KIR2DL3: variants seen among roughly 807,000 people sequenced by gnomAD.
The protein encoded by KIR2DL3 is killer cell immunoglobulin like receptor, two Ig domains and long cytoplasmic tail 3, also known as killer cell immunoglobulin-like receptor 2DL3.
KIR2DL3 carries 39 observed loss-of-function variants against 33.8 expected under a neutral mutation model. The ratio of observed to expected loss-of-function variants is 1.15; its 90% CI spans 0.89 to 1.51. The LOEUF (loss-of-function observed/expected upper bound fraction) is 1.51. Among genes scored for constraint, KIR2DL3 ranks in the 40% most tolerant of loss-of-function variants. The pLI is 0.00. For synonymous variants in KIR2DL3, 174 were observed against 160.2 expected (o/e 1.09, Z -0.65); for missense variants, 462 against 426.2 (o/e 1.08, Z -0.74).
At position 54,752,763 on chromosome 19, in the gene KIR2DL3, C is replaced by T. The variant is rs2073682066; in HGVS notation, c.*244C>T. 4 of 619,366 alleles carry T rather than the reference C, an allele frequency of 6.5e-6. 1 individual carries two copies. Among genetic ancestry groups the T allele is most frequent in the Non-Finnish European group, 1.1e-5 (4 of 368,628 alleles). The allele number at this position is 619,366 out of a possible 1,614,324, so 38.4% of individuals were successfully genotyped here. The stretch of plus-strand genomic sequence containing the variant: ...GCTGGAGAGAAAACACACTCCTTTG[C>T]TTAGCCCACAATTCTCCATTTCACT... On this transcript the variant is annotated 3_prime_UTR_variant, in exon 8 of 8. Coordinates refer to ENST00000342376, the MANE Select transcript of KIR2DL3 (RefSeq NM_015868.3).
chr19:54,743,762 T>A (rs780484651), intron 3 of KIR2DL3, 33 bp from the exon 4 acceptor site: 2 of 1,541,308 alleles, frequency 1.3e-6, no homozygotes, highest in Admixed American at 4.0e-5. Context: ...ACAAGGAAGA[T>A]CCTCCGTAAG....
At chr19:54,749,457 A>T (rs996270519) in intron 5 of KIR2DL3, among the ~76,000 whole-genome samples, 4 of 115,360 alleles carry the variant, frequency 3.5e-5, no homozygotes, top group Admixed American at 1.8e-4. Flanking sequence ...TTGACTGGAA[A>T]CGCTTACTGG....
At chr19:54,740,985 G>C (rs570539628) in intron 2 of KIR2DL3, among the ~76,000 whole-genome samples, 219 of 151,816 alleles carry the variant, frequency 1.4e-3, no homozygotes, top group African/African-American at 5.2e-3. Context: ...TCAAGGAACT[G>C]ATTCTCCAGA....
rs528262627 is a variant in KIR2DL3 at position 54,742,482 on chromosome 19, C to T, written c.370+203C>T. ...TCATAACAGAGGACAGACACAGGGG[C>T]CATACAGGGAGTTAGAAAAGACAGA... On this transcript the variant is annotated intron_variant, in intron 3 of 7. Coordinates refer to ENST00000342376, the MANE Select transcript of KIR2DL3 (RefSeq NM_015868.3). Among the ~76,000 whole-genome samples the T allele has an allele frequency of 3.3e-5, 5 of 151,786 alleles. No individual in the cohort carries two copies. In the South Asian group the frequency reaches 1.0e-3, roughly 32 times the overall value.
chr19:54,744,945 TA>T (rs1568970546), intron 4 of KIR2DL3, among the ~76,000 whole-genome samples: 11 of 27,662 alleles, frequency 4.0e-4, no homozygotes, highest in African/African-American at 6.3e-4. Context: ...TATATATATA[TA>T]TATATATATT....
chr19:54,739,594 T>C, intron 2 of KIR2DL3, 52 bp downstream of exon 2: 1 of 1,613,736 alleles, frequency 6.2e-7, no homozygotes, highest in Non-Finnish European at 8.5e-7. Context: ...AAGAGGATTT[T>C]CCTGAAACAG....
At position 54,743,909 on chromosome 19, in the gene KIR2DL3, G is replaced by A; in HGVS notation, c.485G>A (p.Arg162Lys). 25 of 1,540,964 alleles carry A rather than the reference G, an allele frequency of 1.6e-5. No homozygotes were observed. The highest frequency in any genetic ancestry group is 2.2e-5 in the Non-Finnish European group (25 of 1,132,330). Reference sequence around the variant, plus strand: ...TCCTATGACATGTACCATCTATCCAGGGAGGGGGAGGCCCATGAACGTAGG... The same window carrying A: ...TCCTATGACATGTACCATCTATCCAAGGAGGGGGAGGCCCATGAACGTAGG... The part of the protein sequence containing the change: ...RSSYDMYHLS[R>K]EGEAHERRFS... The change falls in exon 4 of 8, where the codon AGG (arginine) becomes AAG (lysine). Residue 162 changes from arginine (R) to lysine (K), a missense_variant. Physicochemically the swap from Arg to Lys is conservative, Grantham distance 26. Coordinates refer to ENST00000342376, the MANE Select transcript of KIR2DL3 (RefSeq NM_015868.3).
intron 4 of KIR2DL3, among the ~76,000 whole-genome samples, chr19:54,746,634 G>A (rs983780175): frequency 2.0e-4 from 29 of 148,686 alleles, no homozygotes; most frequent in African/African-American, 6.9e-4. Context: ...TCCCTGCACT[G>A]TTTATTGAAA....
Position 54,752,605 on chromosome 19 carries a change from G to C in KIR2DL3, c.*86G>C, listed in dbSNP as rs2073655141. On this transcript the variant is annotated 3_prime_UTR_variant, in exon 8 of 8. Coordinates refer to ENST00000342376, the MANE Select transcript of KIR2DL3 (RefSeq NM_015868.3). ...GACAACAGCCCTGTCTCAAAACTGG[G>C]TTGCCAGCTCCAATGTACCAGCAGC... is the stretch of plus-strand genomic sequence containing the variant. 2.8e-6 allele frequency: 4 copies of C among 1,424,172 alleles called. 1 individual carries two copies. Among genetic ancestry groups the C allele is most frequent in the Admixed American group, 3.7e-5 (2 of 54,138 alleles). 88.2% of individuals were successfully genotyped at this position (1,424,172 alleles called of 1,614,324 possible). A position where few individuals can be genotyped will look rare whatever the true frequency, so the allele number is the denominator to read the frequency against.
chr19:54,748,828 C>T (rs370550126), intron 5 of KIR2DL3, among the ~76,000 whole-genome samples: 122 of 142,078 alleles, frequency 8.6e-4, no homozygotes, highest in East Asian at 3.4e-3. Context: ...TGTTTCACCA[C>T]GTTGGCCAAG....
intron 2 of KIR2DL3, among the ~76,000 whole-genome samples, chr19:54,739,949 G>T (rs372551745): frequency 1.3e-5 from 2 of 150,094 alleles, no homozygotes; most frequent in Non-Finnish European, 1.5e-5. Flanking sequence ...GTTTATTTTC[G>T]TTCAGGCATC....
intron 5 of KIR2DL3, 143 bp downstream of exon 5, chr19:54,747,528 G>A (rs915946810): frequency 3.8e-5 from 43 of 1,134,350 alleles, no homozygotes; most frequent in African/African-American, 1.2e-4. Context: ...CTCCAACAGC[G>A]AAAGGGATCT....
intron 5 of KIR2DL3, among the ~76,000 whole-genome samples, chr19:54,747,755 T>C (rs1415886532): frequency 2.0e-5 from 3 of 152,118 alleles, no homozygotes; most frequent in African/African-American, 7.2e-5. Flanking sequence ...TTAGAGAAGT[T>C]CCACTTGCCA....
In KIR2DL3 at chr19:54,745,406, G is replaced by C. The variant is rs556103187; in HGVS notation, c.664+1318G>C. On this transcript the variant is annotated intron_variant, in intron 4 of 7. Coordinates refer to ENST00000342376, the MANE Select transcript of KIR2DL3 (RefSeq NM_015868.3). ...TTGAGACAGTTTCCCTCTGTGCCCAGGCTGGAGTACAAGTGAAGTCATCTT... is the reference window on the plus strand; with the variant it reads ...TTGAGACAGTTTCCCTCTGTGCCCACGCTGGAGTACAAGTGAAGTCATCTT... Among the ~76,000 whole-genome samples the C allele has an allele frequency of 5.3e-4, 80 of 150,426 alleles. 1 individual carries two copies. Among genetic ancestry groups the C allele is most frequent in the Middle Eastern group, 3.4e-3 (1 of 292 alleles).
chr19:54,743,829 G>C lies in KIR2DL3; in HGVS notation c.405G>C (p.Pro135=). 1.2e-6 allele frequency: 2 copies of C among 1,611,876 alleles called. No homozygotes were observed. The highest frequency in any genetic ancestry group is 1.7e-5 in the Admixed American group (1 of 59,734). ...LYEKPSLSAQ[P]GPTVLAGESV... ...AGAAACCTTCTCTCTCAGCCCAGCC[G>C]GGCCCCACGGTTCTGGCAGGAGAGA... is the stretch of plus-strand genomic sequence containing the variant. The change falls in exon 4 of 8, where the codon CCG becomes CCC. Residue 135 remains proline, a synonymous_variant. Transcript: ENST00000342376.
intron 2 of KIR2DL3, among the ~76,000 whole-genome samples, chr19:54,740,575 T>C (rs2070855019): frequency 6.7e-6 from 1 of 149,826 alleles, no homozygotes; most frequent in Non-Finnish European, 1.5e-5. Flanking sequence ...TGTCTTGGAT[T>C]CTCCTTGTCC....
rs1250699000 is a variant in KIR2DL3, at chr19:54,751,381, G to A, written c.716-268G>A. On this transcript the variant is annotated intron_variant, in intron 5 of 7. Coordinates refer to ENST00000342376, the MANE Select transcript of KIR2DL3 (RefSeq NM_015868.3). Reference sequence around the variant, plus strand: ...CCATGACCCAAACACCTCTCAAGAGGCCCAACCTCCCACAGTGGGGGTGAA... The same window carrying A: ...CCATGACCCAAACACCTCTCAAGAGACCCAACCTCCCACAGTGGGGGTGAA... Among the ~76,000 whole-genome samples the A allele has an allele frequency of 9.8e-5, 13 of 132,620 alleles. 2 individuals are homozygous for A. Among genetic ancestry groups the A allele is most frequent in the Non-Finnish European group, 2.0e-4 (12 of 60,752 alleles). 87.0% of individuals were successfully genotyped at this position (132,620 alleles called of 152,430 possible).
rs1052379675 is a variant in KIR2DL3 at position 54,749,393 on chromosome 19, G to C, written c.715+2008G>C. On this transcript the variant is annotated intron_variant, in intron 5 of 7. Coordinates refer to ENST00000342376, the MANE Select transcript of KIR2DL3 (RefSeq NM_015868.3). The stretch of plus-strand genomic sequence containing the variant: ...ACTGGTGAAATGTGGTGCTGATTTA[G>C]ACACTAAATGAATGAAGTAGATGGA... Among the ~76,000 whole-genome samples, 18 of 134,240 alleles carry C rather than the reference G, an allele frequency of 1.3e-4. 2 individuals carry two copies. The highest frequency in any genetic ancestry group is 3.8e-4 in the African/African-American group (14 of 37,118). 88.1% of individuals were successfully genotyped at this position (134,240 alleles called of 152,430 possible).
In KIR2DL3 at chr19:54,742,089, G is replaced by A; in HGVS notation, c.180G>A (p.Leu60=). 6.2e-7 allele frequency: 1 copy of A among 1,613,770 alleles called. No individual in the cohort carries two copies. The highest frequency in any genetic ancestry group is 8.5e-7 in the Non-Finnish European group (1 of 1,179,914). ...WSDVRFQHFL[L]HREGKFKDTL... is the part of the protein sequence containing the mutation. ...ATGTCAGGTTTCAGCACTTCCTTCT[G>A]CACAGAGAAGGGAAGTTTAAGGACA... Residue 60 remains leucine (L), a synonymous_variant, in exon 3 of 8, where the codon CTG becomes CTA. Coordinates refer to ENST00000342376, the MANE Select transcript of KIR2DL3 (RefSeq NM_015868.3).
Sources: gnomAD v4.1 joint callset for allele counts (sites outside exome capture counted in the v4.1 genomes callset) on GRCh38, gnomAD v4.1.1 for gene constraint, MANE v1.5 for transcripts, NCBI Gene and HGNC (gene_info 2026-07-23, HGNC 2026-07-21) for gene names.